The following MED13 variants were observed in gnomAD, a reference collection of about 807,000 sequenced individuals.
The protein encoded by MED13 is mediator complex subunit 13.
In MED13, 23 loss-of-function variants were observed where a neutral mutation model predicts 225.2. The ratio of observed to expected loss-of-function variants is 0.10; its 90% CI spans 0.07 to 0.14. MED13 has a LOEUF of 0.14. MED13 is among the 10% of genes least tolerant of loss of function. MED13 has a pLI of 1.00. For synonymous variants in MED13, 942 were observed against 889.2 expected (o/e 1.06, Z -1.06); for missense variants, 2,197 against 2,594.5 (o/e 0.85, Z 3.33).
At chr17:61,968,443 A>G (rs2080078599) in intron 17 of MED13, among the ~76,000 whole-genome samples, 185 bp from the exon 18 acceptor site, 1 of 152,082 alleles carries the variant, frequency 6.6e-6, no homozygotes, top group East Asian at 1.9e-4. Context: ...TTCCTGCCTC[A>G]GCCTCCTGAG....
In MED13 at chr17:61,945,785, T is replaced by C. The variant is rs1410108590; in HGVS notation, c.*683A>G. 6.6e-6 allele frequency: 1 copy of C among 152,386 alleles called. No homozygotes were observed. The highest frequency in any genetic ancestry group is 1.5e-5 in the Non-Finnish European group (1 of 68,006). 9.4% of individuals were successfully genotyped at this position (152,386 alleles called of 1,614,324 possible). ...CCACACACAATGGTATGGACATTAT[T>C]CCCCCTCTATCCCCGTTAAACTGTA... On this transcript the variant is annotated 3_prime_UTR_variant, in exon 30 of 30. Coordinates refer to ENST00000397786, the MANE Select transcript of MED13 (RefSeq NM_005121.3).
chr17:62,046,564 G>A (rs1021957728), intron 3 of MED13, among the ~76,000 whole-genome samples: 2 of 152,184 alleles, frequency 1.3e-5, no homozygotes, highest in African/African-American at 4.8e-5. Context: ...TTTTGGCCAG[G>A]TACACTGGCT....
chr17:62,027,728 TA>T (rs890437942), intron 8 of MED13, among the ~76,000 whole-genome samples: 3 of 151,500 alleles, frequency 2.0e-5, no homozygotes, highest in Admixed American at 6.6e-5. Flanking sequence ...AATTTATATA[TA>T]AAAAAAATCC....
intron 2 of MED13, among the ~76,000 whole-genome samples, chr17:62,054,526 T>C (rs1197392611): frequency 1.3e-5 from 2 of 152,148 alleles, no homozygotes; most frequent in Non-Finnish European, 2.9e-5. Flanking sequence ...AAGAAAGTAT[T>C]AGGCTAGGAG....
chr17:61,999,627 C>T (rs2080376725), intron 9 of MED13, among the ~76,000 whole-genome samples: 1 of 152,136 alleles, frequency 6.6e-6, no homozygotes, highest in Admixed American at 6.6e-5. Flanking sequence ...TTTACTTTTA[C>T]AAACATAGTC....
chr17:61,949,215 A>G (rs375457682), intron 28 of MED13, among the ~76,000 whole-genome samples: 85 of 152,012 alleles, frequency 5.6e-4, no homozygotes, highest in African/African-American at 2.0e-3. Flanking sequence ...TTCATGTTAC[A>G]TTGCTTACTA....
chr17:61,943,841 C>T lies in MED13; in HGVS notation c.*2627G>A, dbSNP rs1031017586. 1 of 152,126 alleles carries T rather than the reference C, an allele frequency of 6.6e-6. No individual in the cohort carries two copies. Among genetic ancestry groups the T allele is most frequent in the African/African-American group, 2.4e-5 (1 of 41,328 alleles). The allele number at this position is 152,126 out of a possible 1,614,324, so 9.4% of individuals were successfully genotyped here. On this transcript the variant is annotated 3_prime_UTR_variant, in exon 30 of 30. Coordinates refer to ENST00000397786, the MANE Select transcript of MED13 (RefSeq NM_005121.3). ...CACCCTGCTTAATAATCATGGATAC[C>T]TGCACAAAAAAAAAGATGTTAGCAC...
chr17:61,988,728 T>A (rs1365898769), intron 11 of MED13, among the ~76,000 whole-genome samples: 2 of 151,400 alleles, frequency 1.3e-5, no homozygotes, highest in East Asian at 3.9e-4. Context: ...TGTTTCCGAG[T>A]TTTTTCGTTT....
chr17:61,949,348 G>A (rs953397459), intron 28 of MED13, among the ~76,000 whole-genome samples: 1 of 151,696 alleles, frequency 6.6e-6, no homozygotes, highest in Non-Finnish European at 1.5e-5. Context: ...TCCTGCCCCA[G>A]CTTTTCATGT....
chr17:61,985,713 G>A (rs1167233421), intron 12 of MED13, among the ~76,000 whole-genome samples: 1 of 152,096 alleles, frequency 6.6e-6, no homozygotes, highest in Non-Finnish European at 1.5e-5. Context: ...AGAAGGGGTT[G>A]TAATTAACAT....
intron 17 of MED13, among the ~76,000 whole-genome samples, chr17:61,971,335 GGC>G (rs2080107085): frequency 6.8e-6 from 1 of 146,424 alleles, no homozygotes; most frequent in Non-Finnish European, 1.5e-5. Context: ...GGAGTACAAT[GGC>G]GCGATCTCGG....
At chr17:62,061,198 T>G (rs1332849752) in intron 2 of MED13, among the ~76,000 whole-genome samples, 2 of 152,058 alleles carry the variant, frequency 1.3e-5, no homozygotes, top group Admixed American at 1.3e-4. Flanking sequence ...TTAATAGTCT[T>G]TTAACTTTCA....
Position 61,984,878 on chromosome 17 carries a change from A to G in MED13, c.2477-13T>C, listed in dbSNP as rs779961882. The G allele has an allele frequency of 6.3e-7, 1 of 1,599,980 alleles. No individual in the cohort carries two copies. The highest frequency in any genetic ancestry group is 2.2e-5 in the East Asian group (1 of 44,750). On this transcript the variant is annotated splice_polypyrimidine_tract_variant and intron_variant, in intron 13 of 29. Transcript: ENST00000397786. ...AGATCTGCAGTGCCTATATTTAATA[A>G]AAACATACATTTTAACATGACTAAA...
chr17:62,043,350 CATA>C (rs1370784905), intron 3 of MED13, among the ~76,000 whole-genome samples: 2 of 151,896 alleles, frequency 1.3e-5, no homozygotes, highest in African/African-American at 4.8e-5. Flanking sequence ...AGAAATGATA[CATA>C]ATAATCTTGA....
At chr17:61,980,400 C>T (rs913187834) in intron 16 of MED13, among the ~76,000 whole-genome samples, 1 of 152,100 alleles carries the variant, frequency 6.6e-6, no homozygotes, top group Non-Finnish European at 1.5e-5. Flanking sequence ...ATAACTCACA[C>T]ACAAAATTTT....
At chr17:61,947,508 C>T (rs1246032203) in intron 28 of MED13, among the ~76,000 whole-genome samples, 1 of 152,112 alleles carries the variant, frequency 6.6e-6, no homozygotes, top group East Asian at 1.9e-4. Context: ...AGTAGTTAAA[C>T]CTGAGTAGTC....
chr17:61,949,136 A>G (rs979753006), intron 28 of MED13, among the ~76,000 whole-genome samples: 2 of 151,816 alleles, frequency 1.3e-5, no homozygotes, highest in African/African-American at 4.8e-5. Context: ...GTTATTCTGG[A>G]ACAATATTAG....
At chr17:61,996,256 A>C (rs547422197) in intron 9 of MED13, among the ~76,000 whole-genome samples, 15 of 152,212 alleles carry the variant, frequency 9.9e-5, no homozygotes, top group Non-Finnish European at 1.9e-4. Flanking sequence ...GGTGAGTGTG[A>C]ACACAGAATC....
Position 61,943,208 on chromosome 17 carries a change from A to G in MED13, c.*3260T>C, listed in dbSNP as rs1362101769. The G allele has an allele frequency of 1.3e-5, 2 of 152,612 alleles. No homozygotes were observed. The highest frequency in any genetic ancestry group is 4.8e-5 in the African/African-American group (2 of 41,468). The allele number at this position is 152,612 out of a possible 1,614,324, so 9.5% of individuals were successfully genotyped here. On this transcript the variant is annotated 3_prime_UTR_variant, in exon 30 of 30. Coordinates refer to ENST00000397786, the MANE Select transcript of MED13 (RefSeq NM_005121.3). ...CTTAATTCAGACAAACTAAAATCTTAAGAGGAAACCCAGACCAAAATATCA... is the reference window on the plus strand; with the variant it reads ...CTTAATTCAGACAAACTAAAATCTTGAGAGGAAACCCAGACCAAAATATCA...
Sources: gnomAD v4.1 joint callset for allele counts (sites outside exome capture counted in the v4.1 genomes callset) on GRCh38, gnomAD v4.1.1 for gene constraint, MANE v1.5 for transcripts, NCBI Gene and HGNC (gene_info 2026-07-23, HGNC 2026-07-21) for gene names.